The following UBE2QL1 variants were observed in gnomAD, a reference collection of about 807,000 sequenced individuals.
UBE2QL1 encodes the protein ubiquitin-conjugating enzyme E2Q-like protein 1.
Under a neutral mutation model 12.6 loss-of-function variants are expected in UBE2QL1, and 5 were observed. The observed-to-expected ratio is 0.40, with a 90% CI of 0.21 to 0.83. The LOEUF (loss-of-function observed/expected upper bound fraction) is 0.83. Among genes scored for constraint, UBE2QL1 ranks in the 40% least tolerant of loss-of-function variants. The pLI is 0.37. For missense variants in UBE2QL1, 99 were observed against 222.6 expected (o/e 0.44, Z 3.53); for synonymous variants, 96 against 94.5 (o/e 1.02, Z -0.10).
At chr5:6,460,614 T>G (rs935204976) in intron 1 of UBE2QL1, among the ~76,000 whole-genome samples, 1 of 152,202 alleles carries the variant, frequency 6.6e-6, no homozygotes, top group Non-Finnish European at 1.5e-5. Context: ...AGGGGCTGAT[T>G]TATGGGATTA....
chr5:6,486,461 G>T (rs568569678), intron 1 of UBE2QL1, among the ~76,000 whole-genome samples: 1 of 152,020 alleles, frequency 6.6e-6, no homozygotes, highest in Non-Finnish European at 1.5e-5. Flanking sequence ...GTAAACACCT[G>T]CCCACCTATG....
At position 6,474,704 on chromosome 5, in the gene UBE2QL1, G is replaced by A. The variant is rs573929097; in HGVS notation, c.355-16514G>A. Reference sequence around the variant, plus strand: ...TCATAGTGATAACCCCACAGGCTTCGTCGTTCATTCCTCAGTAAATAAGCT... The same window carrying A: ...TCATAGTGATAACCCCACAGGCTTCATCGTTCATTCCTCAGTAAATAAGCT... On this transcript the variant is annotated intron_variant, in intron 1 of 1. Transcript: ENST00000399816. Among the ~76,000 whole-genome samples, 6 of 152,308 alleles carry A rather than the reference G, an allele frequency of 3.9e-5. No individual in the cohort carries two copies. In the South Asian group the frequency reaches 8.3e-4, roughly 21 times the overall value.
chr5:6,484,742 C>T (rs1164622419), intron 1 of UBE2QL1, among the ~76,000 whole-genome samples: 3 of 151,894 alleles, frequency 2.0e-5, no homozygotes, highest in Non-Finnish European at 4.4e-5. Flanking sequence ...CCCACCCTGT[C>T]TTTCTCCCCC....
intron 1 of UBE2QL1, among the ~76,000 whole-genome samples, chr5:6,461,561 A>C (rs1739667017): frequency 2.6e-5 from 1 of 38,424 alleles, no homozygotes; most frequent in Admixed American, 2.7e-4. Flanking sequence ...CCGCCGGCAT[A>C]TCATTCTAGG....
At chr5:6,469,560 A>AAG (rs1739864925) in intron 1 of UBE2QL1, among the ~76,000 whole-genome samples, 1 of 140,322 alleles carries the variant, frequency 7.1e-6, no homozygotes, top group African/African-American at 2.6e-5. Flanking sequence ...TATATAATCT[A>AAG]AGTGTGTGTG....
chr5:6,451,106 CA>C (rs1446655926), intron 1 of UBE2QL1, among the ~76,000 whole-genome samples: 7 of 152,292 alleles, frequency 4.6e-5, no homozygotes, highest in Non-Finnish European at 8.8e-5. Flanking sequence ...CATTGGGGAT[CA>C]GGGGAAGAGG....
In UBE2QL1 at chr5:6,496,122, C is replaced by T. The variant is rs149598302; in HGVS notation, c.*4773C>T. Among the ~76,000 whole-genome samples, 85 of 152,252 alleles carry T rather than the reference C, an allele frequency of 5.6e-4. No homozygotes were observed. Among genetic ancestry groups the T allele is most frequent in the Non-Finnish European group, 9.7e-4 (66 of 68,028 alleles). Reference sequence around the variant, plus strand: ...AGGGGGTCAGGTGCGAGGCCGTCCTCCCAGGTCAGTAAGGCCGCATGGAGG... The same window carrying T: ...AGGGGGTCAGGTGCGAGGCCGTCCTTCCAGGTCAGTAAGGCCGCATGGAGG... On this transcript the variant is annotated 3_prime_UTR_variant, in exon 2 of 2. Coordinates refer to ENST00000399816, the MANE Select transcript of UBE2QL1 (RefSeq NM_001145161.3).
intron 1 of UBE2QL1, among the ~76,000 whole-genome samples, chr5:6,459,930 G>T (rs185654): frequency 2.6e-5 from 4 of 152,176 alleles, no homozygotes; most frequent in Non-Finnish European, 4.4e-5. Context: ...ATATATACCC[G>T]GAGGAGTGCA....
chr5:6,474,541 C>A (rs951500332), intron 1 of UBE2QL1, among the ~76,000 whole-genome samples: 2 of 152,126 alleles, frequency 1.3e-5, no homozygotes, highest in Non-Finnish European at 2.9e-5. Context: ...TTGAAAAATC[C>A]CAAGTGCATC....
In UBE2QL1 at chr5:6,493,319, G is replaced by T. The variant is rs894804452; in HGVS notation, c.*1970G>T. On this transcript the variant is annotated 3_prime_UTR_variant, in exon 2 of 2. Coordinates refer to ENST00000399816, the MANE Select transcript of UBE2QL1 (RefSeq NM_001145161.3). ...CCTAGGACAGAAACATCTTGCTAGG[G>T]AAAGCACCTGAGTTTATTCCTTTCT... 33 of 152,346 alleles carry T rather than the reference G, an allele frequency of 2.2e-4. No homozygotes were observed. The highest frequency in any genetic ancestry group is 7.5e-4 in the African/African-American group (31 of 41,580). 9.4% of individuals were successfully genotyped at this position (152,346 alleles called of 1,614,324 possible).
intron 1 of UBE2QL1, among the ~76,000 whole-genome samples, chr5:6,454,087 T>G (rs1216874097): frequency 6.6e-6 from 1 of 152,132 alleles, no homozygotes; most frequent in Admixed American, 6.5e-5. Context: ...CTCACTATGT[T>G]GCCCAGCTGG....
At chr5:6,456,962 C>T (rs1224148576) in intron 1 of UBE2QL1, among the ~76,000 whole-genome samples, 1 of 151,930 alleles carries the variant, frequency 6.6e-6, no homozygotes, top group East Asian at 1.9e-4. Context: ...CTCCCGCTCT[C>T]TTCCTCTCCA....
chr5:6,466,632 A>G (rs1739801635), intron 1 of UBE2QL1, among the ~76,000 whole-genome samples: 1 of 152,218 alleles, frequency 6.6e-6, no homozygotes, highest in Non-Finnish European at 1.5e-5. Context: ...CATCAGAGAA[A>G]GACGAAGGGT....
In UBE2QL1 at chr5:6,496,519, C is replaced by A. The variant is rs1314273899; in HGVS notation, c.*5170C>A. Among the ~76,000 whole-genome samples the A allele has an allele frequency of 1.3e-5, 2 of 152,128 alleles. No homozygotes were observed. The highest frequency in any genetic ancestry group is 2.9e-5 in the Non-Finnish European group (2 of 68,042). ...ATTCATGGGGAGACTTTGGTGTATCCTGTTTCCAGAGTTGTCCTCTTCTGT... is the reference window on the plus strand; with the variant it reads ...ATTCATGGGGAGACTTTGGTGTATCATGTTTCCAGAGTTGTCCTCTTCTGT... On this transcript the variant is annotated 3_prime_UTR_variant, in exon 2 of 2. Transcript: ENST00000399816.
At chr5:6,483,898 A>G (rs79534045) in intron 1 of UBE2QL1, among the ~76,000 whole-genome samples, 3,855 of 151,828 alleles carry the variant, frequency 0.025, 141 homozygotes, top group African/African-American at 0.088. Flanking sequence ...CTAGTCATCT[A>G]CTTTGTGAAG....
intron 1 of UBE2QL1, among the ~76,000 whole-genome samples, chr5:6,486,306 A>G (rs1734465607): frequency 6.7e-6 from 1 of 149,518 alleles, no homozygotes; most frequent in East Asian, 2.0e-4. Context: ...AAATACACAC[A>G]CAAGCACACA....
chr5:6,495,321 C>G lies in UBE2QL1; in HGVS notation c.*3972C>G, dbSNP rs1009667746. On this transcript the variant is annotated 3_prime_UTR_variant, in exon 2 of 2. Coordinates refer to ENST00000399816, the MANE Select transcript of UBE2QL1 (RefSeq NM_001145161.3). ...TTCAGTGTACCCATCCAATAGCATG[C>G]GAAATTTTAATGGAATTTGCTTTCT... is the stretch of plus-strand genomic sequence containing the variant. Among the ~76,000 whole-genome samples the G allele has an allele frequency of 6.6e-6, 1 of 152,150 alleles. No homozygotes were observed. The highest frequency in any genetic ancestry group is 2.1e-4 in the South Asian group (1 of 4,832).
chr5:6,470,080 C>A (rs1291195490), intron 1 of UBE2QL1, among the ~76,000 whole-genome samples: 1 of 152,076 alleles, frequency 6.6e-6, no homozygotes, highest in East Asian at 1.9e-4. Context: ...CAACACTGAA[C>A]GCAGAGCTCC....
intron 1 of UBE2QL1, among the ~76,000 whole-genome samples, chr5:6,464,665 A>G (rs1218805237): frequency 1.3e-5 from 2 of 152,252 alleles, no homozygotes; most frequent in Non-Finnish European, 2.9e-5. Flanking sequence ...AAGGGGCAGC[A>G]GGGAGGGCCG....
Sources: allele counts gnomAD v4.1 joint callset (sites outside exome capture counted in the v4.1 genomes callset), GRCh38; gene constraint gnomAD v4.1.1; transcripts MANE v1.5; gene names NCBI Gene and HGNC (gene_info 2026-07-23, HGNC 2026-07-21).